Variants in CCSER1 observed in about 807,000 individuals in gnomAD.
CCSER1 encodes coiled-coil serine rich protein 1, also known as serine-rich coiled-coil domain-containing protein 1.
Under a neutral mutation model 82.0 loss-of-function variants are expected in CCSER1, and 41 were observed. The observed-to-expected ratio is 0.50, with a 90% confidence interval of 0.39 to 0.65. The LOEUF is 0.65. Among genes scored for constraint, CCSER1 ranks in the 30% least tolerant of loss-of-function variants. The pLI is 0.00. For synonymous variants in CCSER1, 414 were observed against 383.9 expected, an observed-to-expected ratio of 1.08 and a Z score of -0.92; for missense variants, 1,119 against 1,064.2, an observed-to-expected ratio of 1.05 and a Z score of -0.72.
chr4:90,256,397 T>C (rs1351666418), intron 1 of CCSER1, among the ~76,000 whole-genome samples: 7 of 152,198 alleles, frequency 4.6e-5, no homozygotes, highest in Admixed American at 4.6e-4. Flanking sequence ...GTGGGCATTA[T>C]TGACTTAGTG....
chr4:90,192,048 C>T (rs11933213), intron 1 of CCSER1, among the ~76,000 whole-genome samples: 3,611 of 152,132 alleles, frequency 0.024, 145 homozygotes, highest in African/African-American at 0.082. Context: ...AGTCCGTTTT[C>T]ACGCTGCTGA....
At chr4:91,266,540 A>T (rs28522771) in intron 10 of CCSER1, among the ~76,000 whole-genome samples, 1 of 151,774 alleles carries the variant, frequency 6.6e-6, no homozygotes, top group South Asian at 2.1e-4. Flanking sequence ...CGTGAGCCAC[A>T]GCGCCCGGCC....
intron 6 of CCSER1, among the ~76,000 whole-genome samples, chr4:90,659,286 C>T (rs1730313799): frequency 6.6e-6 from 1 of 152,032 alleles, no homozygotes; most frequent in South Asian, 2.1e-4. Context: ...CATGCTTGCC[C>T]TAGTGTTTTG....
At chr4:90,814,896 C>G (rs957411490) in intron 7 of CCSER1, among the ~76,000 whole-genome samples, 2 of 152,120 alleles carry the variant, frequency 1.3e-5, no homozygotes, top group African/African-American at 4.8e-5. Context: ...TCTTCTGAGC[C>G]CTCCAAACTG....
intron 8 of CCSER1, chr4:90,911,159 C>T: frequency 2.5e-6 from 1 of 397,178 alleles, no homozygotes; most frequent in South Asian, 2.0e-5. Context: ...GTAATGATTG[C>T]ATAAGAGTTC....
rs571215967 is a variant in CCSER1 at position 91,307,411 on chromosome 4, T to A, written c.2217+221417T>A. ...ATTATTTTCTAACTCATTATTTGAGTTTTTTAGCCCAATATCATTATACTA... is the reference window on the plus strand; with the variant it reads ...ATTATTTTCTAACTCATTATTTGAGATTTTTAGCCCAATATCATTATACTA... On this transcript the variant is annotated intron_variant, in intron 10 of 10. Coordinates refer to ENST00000509176, the MANE Select transcript of CCSER1 (RefSeq NM_001145065.2). Among the ~76,000 whole-genome samples, 8 of 152,016 alleles carry A rather than the reference T, an allele frequency of 5.3e-5. No homozygotes were observed. In the South Asian group the frequency reaches 1.0e-3, roughly 20 times the overall value.
intron 8 of CCSER1, among the ~76,000 whole-genome samples, chr4:90,832,222 C>T (rs1761213484): frequency 6.6e-6 from 1 of 151,862 alleles, no homozygotes; most frequent in Admixed American, 6.6e-5. Context: ...ATTTATTTTT[C>T]AAGTTTTCTT....
At chr4:90,938,381 G>A (rs1229794916) in intron 9 of CCSER1, among the ~76,000 whole-genome samples, 1 of 151,966 alleles carries the variant, frequency 6.6e-6, no homozygotes, top group Non-Finnish European at 1.5e-5. Flanking sequence ...ACTTGTTTTT[G>A]TACTCTAATT....
At chr4:90,373,745 T>G (rs1036646999) in intron 3 of CCSER1, among the ~76,000 whole-genome samples, 1 of 152,160 alleles carries the variant, frequency 6.6e-6, no homozygotes, top group Non-Finnish European at 1.5e-5. Context: ...AAACTTGCTG[T>G]TTTTGTTATG....
chr4:91,598,955 C>T lies in CCSER1; in HGVS notation c.2601C>T (p.Pro867=). 2.6e-6 allele frequency: 4 copies of T among 1,551,538 alleles called. No individual in the cohort carries two copies. The highest frequency in any genetic ancestry group is 3.5e-6 in the Non-Finnish European group (4 of 1,146,912). Residue 867 remains proline, a synonymous_variant, in exon 11 of 11, where the codon CCC becomes CCT. Coordinates refer to ENST00000509176, the MANE Select transcript of CCSER1 (RefSeq NM_001145065.2). The part of the protein sequence containing the change: ...STFTGRFGQP[P]RGPISLHMYS... ...TTACAGGCAGGTTTGGACAGCCACC[C>T]AGAGGGCCAATCTCTTTACACATGT...
At chr4:90,809,416 A>T (rs1322056524) in intron 7 of CCSER1, among the ~76,000 whole-genome samples, 3 of 152,126 alleles carry the variant, frequency 2.0e-5, no homozygotes, top group African/African-American at 7.2e-5. Flanking sequence ...TTTTGCAGCA[A>T]CTTGGAAGTA....
intron 10 of CCSER1, among the ~76,000 whole-genome samples, chr4:91,199,758 A>C (rs1735751217): frequency 6.6e-6 from 1 of 152,056 alleles, no homozygotes; most frequent in East Asian, 1.9e-4. Flanking sequence ...TTTACTTAAA[A>C]TGTTTATTGT....
At chr4:90,846,860 G>C (rs368404217) in intron 8 of CCSER1, among the ~76,000 whole-genome samples, 9 of 152,252 alleles carry the variant, frequency 5.9e-5, no homozygotes, top group African/African-American at 2.2e-4. Flanking sequence ...TGTTGGCCAG[G>C]ATGGTCTTGA....
intron 8 of CCSER1, among the ~76,000 whole-genome samples, chr4:90,850,782 A>G (rs1763786305): frequency 6.6e-6 from 1 of 152,178 alleles, no homozygotes; most frequent in Non-Finnish European, 1.5e-5. Flanking sequence ...TTTTGGGTTA[A>G]TGCTGGAATG....
chr4:90,772,880 TAATG>T (rs1286315962), intron 7 of CCSER1, among the ~76,000 whole-genome samples: 1 of 152,220 alleles, frequency 6.6e-6, no homozygotes, highest in Non-Finnish European at 1.5e-5. Flanking sequence ...TATTTTACTC[TAATG>T]AATAATCTGT....
chr4:90,958,338 A>C (rs769684546), intron 9 of CCSER1, among the ~76,000 whole-genome samples: 2 of 152,180 alleles, frequency 1.3e-5, no homozygotes, highest in African/African-American at 2.4e-5. Flanking sequence ...TAAATTATGC[A>C]AGAGGCTAAT....
intron 10 of CCSER1, among the ~76,000 whole-genome samples, chr4:91,331,162 T>A (rs923155864): frequency 1.3e-5 from 2 of 152,262 alleles, no homozygotes; most frequent in African/African-American, 4.8e-5. Context: ...TTAGAAGGTA[T>A]CCAGTCTAAC....
chr4:90,617,067 T>C (rs1480610438), intron 5 of CCSER1, among the ~76,000 whole-genome samples: 1 of 152,186 alleles, frequency 6.6e-6, no homozygotes, highest in Non-Finnish European at 1.5e-5. Context: ...GGTGACATAA[T>C]TTAAAATACA....
chr4:91,478,914 T>C (rs1159720897), intron 10 of CCSER1, among the ~76,000 whole-genome samples: 1 of 151,860 alleles, frequency 6.6e-6, no homozygotes, highest in East Asian at 1.9e-4. Flanking sequence ...AATAATGTTA[T>C]ATAAACTGTT....
Sources: allele counts gnomAD v4.1 joint callset (sites outside exome capture counted in the v4.1 genomes callset), GRCh38; gene constraint gnomAD v4.1.1; transcripts MANE v1.5; gene names NCBI Gene and HGNC (gene_info 2026-07-23, HGNC 2026-07-21).